The following CAMSAP1 variants were observed in gnomAD, a reference collection of about 807,000 sequenced individuals.
CAMSAP1 encodes the protein calmodulin regulated spectrin associated protein 1.
Under a neutral mutation model 143.5 loss-of-function variants are expected in CAMSAP1, and 58 were observed. That is an observed-to-expected ratio of 0.40 (90% CI 0.33 to 0.50). The LOEUF (loss-of-function observed/expected upper bound fraction) is 0.50, where lower values mean the gene tolerates loss of function less well. Among genes scored for constraint, CAMSAP1 ranks in the 20% least tolerant of loss-of-function variants. CAMSAP1 has a pLI of 0.45. For synonymous variants in CAMSAP1, 945 were observed against 859.3 expected (o/e 1.10, Z -1.74); for missense variants, 1,969 against 2,115.7 (o/e 0.93, Z 1.36).
intron 1 of CAMSAP1, among the ~76,000 whole-genome samples, chr9:135,897,996 T>C (rs1211955643): frequency 2.6e-5 from 4 of 152,098 alleles, no homozygotes; most frequent in East Asian, 1.9e-4. Flanking sequence ...AAACAACATA[T>C]ATGTGAGATG....
intron 14 of CAMSAP1, 125 bp downstream of exon 14, chr9:135,817,852 A>T: frequency 1.3e-6 from 1 of 755,904 alleles, no homozygotes; most frequent in Non-Finnish European, 2.1e-6. Context: ...ACTATTCTGT[A>T]AATGTGAAAT....
intron 1 of CAMSAP1, among the ~76,000 whole-genome samples, chr9:135,886,111 CTTG>C (rs887995504): frequency 5.3e-5 from 8 of 151,846 alleles, no homozygotes; most frequent in African/African-American, 1.9e-4. Context: ...CTAATAGTTT[CTTG>C]TTGTTTTTTC....
chr9:135,827,544 T>C lies in CAMSAP1; in HGVS notation c.1086A>G (p.Val362=). 6.2e-7 allele frequency: 1 copy of C among 1,607,120 alleles called. No individual in the cohort carries two copies. Among genetic ancestry groups the C allele is most frequent in the Non-Finnish European group, 8.5e-7 (1 of 1,174,594 alleles). ...VLHQKSSRPP[V]PISNATKRSF... ...TGCGTTTGGTCGCGTTGGAGATCGG[T>C]ACAGGAGGCCGGCTGCTCTTCTGGT... Residue 362 remains valine (V), a synonymous_variant, in exon 8 of 17, where the codon GTA becomes GTG. Coordinates refer to ENST00000389532, the MANE Select transcript of CAMSAP1 (RefSeq NM_015447.4).
intron 1 of CAMSAP1, among the ~76,000 whole-genome samples, chr9:135,883,632 G>A (rs945456099): frequency 1.8e-4 from 28 of 152,206 alleles, no homozygotes; most frequent in Admixed American, 4.6e-4. Flanking sequence ...CCAGGCAGGC[G>A]TGGTGCCACT....
intron 7 of CAMSAP1, among the ~76,000 whole-genome samples, chr9:135,828,777 G>A (rs544864352): frequency 2.4e-4 from 36 of 152,216 alleles, no homozygotes; most frequent in Admixed American, 1.6e-3. Context: ...AATTGTCAAA[G>A]ACAAAAAGAA....
intron 3 of CAMSAP1, among the ~76,000 whole-genome samples, chr9:135,868,749 T>C (rs1282106161): frequency 6.6e-6 from 1 of 151,810 alleles, no homozygotes; most frequent in Non-Finnish European, 1.5e-5. Context: ...CCTGAATAGT[T>C]GGGACTACAG....
At chr9:135,875,232 G>C (rs983728114) in intron 3 of CAMSAP1, among the ~76,000 whole-genome samples, 1 of 146,632 alleles carries the variant, frequency 6.8e-6, no homozygotes, top group Admixed American at 6.8e-5. Context: ...TTTTTGACAC[G>C]GAGTTTTACT....
At chr9:135,874,249 G>A (rs898834947) in intron 3 of CAMSAP1, among the ~76,000 whole-genome samples, 1 of 152,134 alleles carries the variant, frequency 6.6e-6, no homozygotes, top group Non-Finnish European at 1.5e-5. Context: ...AAGGCAGGCG[G>A]ATCCTTTGAG....
chr9:135,897,557 T>C (rs976554267), intron 1 of CAMSAP1, among the ~76,000 whole-genome samples: 5 of 152,196 alleles, frequency 3.3e-5, no homozygotes, highest in African/African-American at 1.2e-4. Context: ...TTAGGCATAG[T>C]AGTGACCTAG....
intron 3 of CAMSAP1, among the ~76,000 whole-genome samples, chr9:135,877,253 G>A (rs536033066): frequency 4.0e-5 from 6 of 151,570 alleles, no homozygotes; most frequent in South Asian, 2.1e-4. Flanking sequence ...AGCACACACC[G>A]CACAACTTCA....
chr9:135,824,959 G>T lies in CAMSAP1; in HGVS notation c.1224-79C>A. ...CAACAGCAAATGCACAAGTGTACAG[G>T]ACCATCCTGAATTCACACCAAGTTT... is the stretch of plus-strand genomic sequence containing the variant. On this transcript the variant is annotated intron_variant, in intron 8 of 16. Coordinates refer to ENST00000389532, the MANE Select transcript of CAMSAP1 (RefSeq NM_015447.4). The surrounding 1 kb of genome is among the most constrained non-coding windows in gnomAD (Gnocchi z 4.1). The T allele has an allele frequency of 9.0e-7, 1 of 1,106,600 alleles. No homozygotes were observed. The highest frequency in any genetic ancestry group is 1.3e-6 in the Non-Finnish European group (1 of 775,368). The allele number at this position is 1,106,600 out of a possible 1,614,324, so 68.5% of individuals were successfully genotyped here. A position where few individuals can be genotyped will look rare whatever the true frequency, so the allele number is the denominator to read the frequency against.
rs928002879 is a variant in CAMSAP1, at chr9:135,810,097, C to T, written c.*1212G>A. 3.3e-5 allele frequency: 5 copies of T among 152,604 alleles called. No individual in the cohort carries two copies. Among genetic ancestry groups the T allele is most frequent in the Non-Finnish European group, 7.3e-5 (5 of 68,038 alleles). The allele number at this position is 152,604 out of a possible 1,614,324, so 9.5% of individuals were successfully genotyped here. A position where few individuals can be genotyped will look rare whatever the true frequency, so the allele number is the denominator to read the frequency against. On this transcript the variant is annotated 3_prime_UTR_variant, in exon 17 of 17. Transcript: ENST00000389532. ...GCTGGTCAGTTGCAGCAGTGTCTGG[C>T]AGCCATGGCTGGCACGCACCTGCTC...
At chr9:135,816,454 G>A (rs1362376676) in intron 14 of CAMSAP1, among the ~76,000 whole-genome samples, 2 of 152,194 alleles carry the variant, frequency 1.3e-5, no homozygotes, top group East Asian at 1.9e-4. Flanking sequence ...TCCCAGTGAC[G>A]CTGATCCCTG....
At chr9:135,847,735 A>G (rs1836606885) in intron 7 of CAMSAP1, among the ~76,000 whole-genome samples, 2 of 143,842 alleles carry the variant, frequency 1.4e-5, no homozygotes, top group Non-Finnish European at 3.0e-5. Flanking sequence ...AGCATTAGGG[A>G]AAACGCCTAA....
intron 1 of CAMSAP1, among the ~76,000 whole-genome samples, chr9:135,889,760 A>G (rs1838230852): frequency 6.6e-6 from 1 of 152,178 alleles, no homozygotes; most frequent in Non-Finnish European, 1.5e-5. Context: ...GTGGGAGCGC[A>G]TGGGATGGTT....
At chr9:135,877,317 G>A (rs1268398563) in intron 3 of CAMSAP1, among the ~76,000 whole-genome samples, 1 of 151,978 alleles carries the variant, frequency 6.6e-6, no homozygotes, top group Non-Finnish European at 1.5e-5. Context: ...GAAGATGGCA[G>A]ATGAGTAGTT....
intron 1 of CAMSAP1, among the ~76,000 whole-genome samples, chr9:135,887,571 C>A (rs186722082): frequency 1.3e-5 from 2 of 152,112 alleles, no homozygotes; most frequent in Non-Finnish European, 2.9e-5. Context: ...GGAGGCCCCT[C>A]GGGAGGCGGA....
Position 135,891,644 on chromosome 9 carries a change from A to G in CAMSAP1, c.161-8566T>C, listed in dbSNP as rs192300483. On this transcript the variant is annotated intron_variant, in intron 1 of 16. Transcript: ENST00000389532. ...TCACAGCATGATGTTCACAGAGCCC[A>G]ATGTTCACAGAGCCCAATCCATAAT... is the stretch of plus-strand genomic sequence containing the variant. Among the ~76,000 whole-genome samples the G allele has an allele frequency of 5.9e-5, 9 of 152,278 alleles. No homozygotes were observed. In the East Asian group the frequency reaches 1.7e-3, roughly 29 times the overall value.
rs143530775 is a variant in CAMSAP1 at position 135,905,259 on chromosome 9, A to G, written c.160+1741T>C. Among the ~76,000 whole-genome samples the G allele has an allele frequency of 1.7e-3, 255 of 152,354 alleles. 1 individual carries two copies. The highest frequency in any genetic ancestry group is 0.01 in the Middle Eastern group (3 of 294). ...ACGAACCCAATACTAACACAGAGAC[A>G]CGCGTACTTATTTCTGGATGGCTGA... On this transcript the variant is annotated intron_variant, in intron 1 of 16. Transcript: ENST00000389532.
Sources: allele counts gnomAD v4.1 joint callset (sites outside exome capture counted in the v4.1 genomes callset), GRCh38; gene constraint gnomAD v4.1.1; non-coding constraint Gnocchi (gnomAD v3.1); transcripts MANE v1.5; gene names NCBI Gene and HGNC (gene_info 2026-07-23, HGNC 2026-07-21).